ZNF618: variants seen among roughly 807,000 people sequenced by gnomAD.
ZNF618 encodes the protein zinc finger protein 618, also known as neural precursor cell expressed, developmentally down-regulated 10.
Under a neutral mutation model 103.0 loss-of-function variants are expected in ZNF618, and 34 were observed. The ratio of observed to expected loss-of-function variants is 0.33; its 90% confidence interval spans 0.25 to 0.44. The LOEUF is 0.44. ZNF618 is among the 20% of genes least tolerant of loss of function. The probability of loss-of-function intolerance (pLI) is 1.00; values close to 1 mark genes in which losing one functional copy is unlikely to be tolerated. For missense variants in ZNF618, 1,059 were observed against 1,295.4 expected (o/e 0.82, Z 2.80); for synonymous variants, 551 against 542.2 (o/e 1.02, Z -0.23).
In ZNF618 at chr9:114,049,934, C is replaced by T. The variant is rs1846000072; in HGVS notation, c.2632C>T (p.Leu878=). 6.2e-7 allele frequency: 1 copy of T among 1,613,850 alleles called. No homozygotes were observed. Among genetic ancestry groups the T allele is most frequent in the African/African-American group, 1.3e-5 (1 of 74,948 alleles). ...AGGCAAAAATGAAGTGTACGATTAC[C>T]TGCAGGAGCCCCTCTTCCAGGCTAC... The part of the protein sequence containing the change: ...RLGKNEVYDY[L]QEPLFQATPD... The change falls in exon 15 of 15, where the codon CTG becomes TTG. Residue 878 remains leucine (L), a synonymous_variant. Coordinates refer to ENST00000374126, the MANE Select transcript of ZNF618 (RefSeq NM_001318042.2).
At chr9:113,956,744 G>A (rs1461283159) in intron 1 of ZNF618, among the ~76,000 whole-genome samples, 3 of 152,298 alleles carry the variant, frequency 2.0e-5, no homozygotes, top group Admixed American at 6.5e-5. Context: ...GTAGACTGTC[G>A]TCTAGGCAGT....
At chr9:114,025,502 A>G (rs1843413072) in intron 10 of ZNF618, among the ~76,000 whole-genome samples, 2 of 152,232 alleles carry the variant, frequency 1.3e-5, no homozygotes, top group African/African-American at 2.4e-5. Context: ...TGTGTTTCCT[A>G]CAGGGGAAGT....
chr9:113,974,710 C>T lies in ZNF618; in HGVS notation c.77+5550C>T, dbSNP rs140246144. The stretch of plus-strand genomic sequence containing the variant: ...ATGGCCCCAGAGTGGAGCAGCTGTA[C>T]TCCTGTGGTCCCCATTCTCCATGCC... On this transcript the variant is annotated intron_variant, in intron 2 of 14. Coordinates refer to ENST00000374126, the MANE Select transcript of ZNF618 (RefSeq NM_001318042.2). 4.3e-4 allele frequency among the ~76,000 whole-genome samples: 65 copies of T among 152,236 alleles called. No individual in the cohort carries two copies. In the East Asian group the frequency reaches 0.012, roughly 29 times the overall value.
At chr9:113,907,601 C>T (rs562266932) in intron 1 of ZNF618, among the ~76,000 whole-genome samples, 2 of 152,316 alleles carry the variant, frequency 1.3e-5, no homozygotes, top group South Asian at 4.1e-4. Flanking sequence ...CACCTCCACA[C>T]CACCTCTTTC....
At position 113,917,230 on chromosome 9, in the gene ZNF618, C is replaced by G. The variant is rs186281441; in HGVS notation, c.33+40817C>G. On this transcript the variant is annotated intron_variant, in intron 1 of 14. Coordinates refer to ENST00000374126, the MANE Select transcript of ZNF618 (RefSeq NM_001318042.2). ...CTTCTTTGCCTAGCAAGCCTTCTCT[C>G]TATCCTTTTTTTTTTTTTTTTTTTT... 1.1e-4 allele frequency among the ~76,000 whole-genome samples: 16 copies of G among 141,728 alleles called. No homozygotes were observed. In the East Asian group the frequency reaches 2.9e-3, roughly 25 times the overall value. 93.0% of individuals were successfully genotyped at this position (141,728 alleles called of 152,430 possible). A position where few individuals can be genotyped will look rare whatever the true frequency, so the allele number is the denominator to read the frequency against.
intron 1 of ZNF618, among the ~76,000 whole-genome samples, chr9:113,955,415 T>G (rs1416286640): frequency 2.0e-5 from 3 of 152,134 alleles, no homozygotes; most frequent in African/African-American, 4.8e-5. Flanking sequence ...CAATCTTTCA[T>G]TTCTTCATGG....
rs747999857 is a variant in ZNF618, at chr9:114,050,185, A to G, written c.*18A>G. ...TGCTTTAAGACTTGACTTCGGGGGAAAAAAAAAGAAAAAGAGAAGATAACA... is the reference window on the plus strand; with the variant it reads ...TGCTTTAAGACTTGACTTCGGGGGAGAAAAAAAGAAAAAGAGAAGATAACA... On this transcript the variant is annotated 3_prime_UTR_variant, in exon 15 of 15. Coordinates refer to ENST00000374126, the MANE Select transcript of ZNF618 (RefSeq NM_001318042.2). 18 of 1,520,898 alleles carry G rather than the reference A, an allele frequency of 1.2e-5. No individual in the cohort carries two copies. The highest frequency in any genetic ancestry group is 2.3e-5 in the East Asian group (1 of 44,038). 94.2% of individuals were successfully genotyped at this position (1,520,898 alleles called of 1,614,324 possible).
chr9:114,031,525 G>A lies in ZNF618; in HGVS notation c.1085-1120G>A, dbSNP rs146680263. On this transcript the variant is annotated intron_variant, in intron 11 of 14. Transcript: ENST00000374126. ...CGCAACCCTGGCACCCACAAACTAA[G>A]CACTTGCTCTTCCGGAGCAGGGTGG... Among the ~76,000 whole-genome samples the A allele has an allele frequency of 2.3e-3, 346 of 152,316 alleles. 1 individual carries two copies. Among genetic ancestry groups the A allele is most frequent in the African/African-American group, 8.1e-3 (337 of 41,568 alleles).
In ZNF618 at chr9:113,998,226, T is replaced by G. The variant is rs753040298; in HGVS notation, c.338-33T>G. 56 of 1,547,450 alleles carry G rather than the reference T, an allele frequency of 3.6e-5. 1 individual carries two copies. In the South Asian group the frequency reaches 6.4e-4, roughly 18 times the overall value. ...TAACCTTCCAGGCATTCTCCAACTTTAAGGGCTCTTTCTGATTTCTTACGT... is the reference window on the plus strand; with the variant it reads ...TAACCTTCCAGGCATTCTCCAACTTGAAGGGCTCTTTCTGATTTCTTACGT... On this transcript the variant is annotated intron_variant, in intron 3 of 14. Coordinates refer to ENST00000374126, the MANE Select transcript of ZNF618 (RefSeq NM_001318042.2).
At chr9:113,924,699 C>T (rs1832926459) in intron 1 of ZNF618, among the ~76,000 whole-genome samples, 1 of 151,768 alleles carries the variant, frequency 6.6e-6, no homozygotes. Context: ...CTTGCTGCTT[C>T]CCATAAATGT....
chr9:113,937,264 C>T (rs1021303400), intron 1 of ZNF618, among the ~76,000 whole-genome samples: 2 of 152,168 alleles, frequency 1.3e-5, no homozygotes, highest in African/African-American at 4.8e-5. Flanking sequence ...CTCTTTCCCC[C>T]ACCCCACTGT....
intron 10 of ZNF618, among the ~76,000 whole-genome samples, chr9:114,017,664 C>G (rs1435998774): frequency 6.6e-6 from 1 of 152,152 alleles, no homozygotes; most frequent in Non-Finnish European, 1.5e-5. Flanking sequence ...TTTTGTTTCT[C>G]ACAGCAGAGC....
chr9:113,912,831 C>A (rs531785686), intron 1 of ZNF618, among the ~76,000 whole-genome samples: 8 of 152,252 alleles, frequency 5.3e-5, no homozygotes, highest in African/African-American at 1.9e-4. Context: ...CCCATCTGTA[C>A]AGTTAAGTGA....
intron 6 of ZNF618, among the ~76,000 whole-genome samples, chr9:114,003,184 C>G (rs1159211502): frequency 6.6e-6 from 1 of 152,230 alleles, no homozygotes; most frequent in East Asian, 1.9e-4. Flanking sequence ...GTGCCATATC[C>G]CAGCACCTGG....
chr9:113,920,019 C>T (rs546508845), intron 1 of ZNF618, among the ~76,000 whole-genome samples: 1 of 152,184 alleles, frequency 6.6e-6, no homozygotes, highest in African/African-American at 2.4e-5. Flanking sequence ...CCTGGTTGGA[C>T]CTTTGAACCT....
chr9:113,982,522 A>G (rs1280828292), intron 2 of ZNF618, among the ~76,000 whole-genome samples: 1 of 152,192 alleles, frequency 6.6e-6, no homozygotes, highest in Non-Finnish European at 1.5e-5. Context: ...GGATGAGCCT[A>G]ATCTCAAGAT....
At chr9:113,942,261 T>A (rs960729128) in intron 1 of ZNF618, among the ~76,000 whole-genome samples, 6 of 150,332 alleles carry the variant, frequency 4.0e-5, no homozygotes, top group South Asian at 2.1e-4. Flanking sequence ...TTTTTTTTTT[T>A]AAATTTCACA....
chr9:113,989,355 C>T (rs1319088189), intron 3 of ZNF618, among the ~76,000 whole-genome samples: 4 of 152,184 alleles, frequency 2.6e-5, no homozygotes, highest in Admixed American at 6.5e-5. Flanking sequence ...ACAAATCACA[C>T]GCCAGAAATG....
intron 1 of ZNF618, among the ~76,000 whole-genome samples, chr9:113,941,056 T>A (rs1834504080): frequency 6.6e-6 from 1 of 152,094 alleles, no homozygotes; most frequent in South Asian, 2.1e-4. Flanking sequence ...TTTTTCTTCC[T>A]CTCCTTTCTG....
Sources: gnomAD v4.1 joint callset for allele counts (sites outside exome capture counted in the v4.1 genomes callset) on GRCh38, gnomAD v4.1.1 for gene constraint, MANE v1.5 for transcripts, NCBI Gene and HGNC (gene_info 2026-07-23, HGNC 2026-07-21) for gene names.